The following CAMK4 variants were observed in gnomAD, a reference collection of about 807,000 sequenced individuals.
CAMK4 encodes the protein calcium/calmodulin dependent protein kinase IV, also known as calcium/calmodulin-dependent protein kinase type IV.
CAMK4 carries 22 observed loss-of-function variants against 44.9 expected under a neutral mutation model. The ratio of observed to expected loss-of-function variants is 0.49; its 90% CI spans 0.35 to 0.70. CAMK4 has a LOEUF of 0.70. Ranked by LOEUF, CAMK4 falls within the 30% of genes least tolerant of loss-of-function variation. The pLI is 0.01. For synonymous variants in CAMK4, 218 were observed against 215.4 expected (o/e 1.01, Z -0.11); for missense variants, 498 against 586.8 (o/e 0.85, Z 1.56).
chr5:111,238,808 CTTT>C (rs57552178), intron 1 of CAMK4, among the ~76,000 whole-genome samples: 4,803 of 45,562 alleles, frequency 0.11, 265 homozygotes, highest in African/African-American at 0.17. Context: ...AGAGGCTCTT[CTTT>C]TTTTTTTTTT....
rs200566906 is a variant in CAMK4 at position 111,460,265 on chromosome 5, C to CTTTTTTTTTTTTTTTTTTTTTTTT, written c.625+11067_625+11068insTTTTTTTTTTTTTTTTTTTTTTTT. 1.6e-5 allele frequency among the ~76,000 whole-genome samples: 2 copies of CTTTTTTTTTTTTTTTTTTTTTTTT among 122,714 alleles called. 1 individual carries two copies. The highest frequency in any genetic ancestry group is 3.3e-5 in the Non-Finnish European group (2 of 59,862). 80.5% of individuals were successfully genotyped at this position (122,714 alleles called of 152,430 possible). Reference sequence around the variant, plus strand: ...TAATGTTTTTCTTTTCTTTTCTTTTCTTTTTCTTTTTTTTTTTTTTGAGGC... The same window carrying CTTTTTTTTTTTTTTTTTTTTTTTT: ...TAATGTTTTTCTTTTCTTTTCTTTTCTTTTTTTTTTTTTTTTTTTTTTTTTTTTTCTTTTTTTTTTTTTTGAGGC... On this transcript the variant is annotated intron_variant, in intron 7 of 10. Coordinates refer to ENST00000282356, the MANE Select transcript of CAMK4 (RefSeq NM_001744.6).
At chr5:111,379,412 C>T (rs549782918) in intron 4 of CAMK4, among the ~76,000 whole-genome samples, 1 of 152,220 alleles carries the variant, frequency 6.6e-6, no homozygotes, top group South Asian at 2.1e-4. Flanking sequence ...TAACAGAAAA[C>T]CTCTGAAGAA....
rs184178981 is a variant in CAMK4 at position 111,278,570 on chromosome 5, T to G, written c.161+53926T>G. 2.0e-5 allele frequency among the ~76,000 whole-genome samples: 3 copies of G among 152,344 alleles called. No individual in the cohort carries two copies. The East Asian group carries it at 5.8e-4, about 29-fold the overall frequency. On this transcript the variant is annotated intron_variant, in intron 1 of 10. Coordinates refer to ENST00000282356, the MANE Select transcript of CAMK4 (RefSeq NM_001744.6). ...ATTTGTAGCTAAATATAAAAACATT[T>G]ACGGAGTAAATGCAATGCACCAGGT...
At chr5:111,364,878 G>T (rs1001030230) in intron 2 of CAMK4, 2 of 152,118 alleles carry the variant, frequency 1.3e-5, no homozygotes, top group Admixed American at 1.3e-4. Flanking sequence ...CTTCATGTTA[G>T]TCAGTGTTAA....
intron 2 of CAMK4, among the ~76,000 whole-genome samples, chr5:111,348,887 A>G (rs1271260869): frequency 2.0e-5 from 3 of 152,062 alleles, no homozygotes; most frequent in Non-Finnish European, 2.9e-5. Flanking sequence ...AAATGTTATG[A>G]CAAACATCAG....
At chr5:111,339,697 T>G (rs1749557894) in intron 1 of CAMK4, among the ~76,000 whole-genome samples, 1 of 151,488 alleles carries the variant, frequency 6.6e-6, no homozygotes, top group South Asian at 2.1e-4. Flanking sequence ...CAAGATTACT[T>G]TGACTATTTG....
At chr5:111,424,665 T>A (rs1753156383) in intron 5 of CAMK4, among the ~76,000 whole-genome samples, 1 of 151,700 alleles carries the variant, frequency 6.6e-6, no homozygotes, top group Admixed American at 6.6e-5. Context: ...GCCAGGATGG[T>A]CTCGATCTCC....
chr5:111,422,277 TTA>T (rs1753060686), intron 5 of CAMK4, among the ~76,000 whole-genome samples: 2 of 152,238 alleles, frequency 1.3e-5, no homozygotes, highest in South Asian at 4.1e-4. Flanking sequence ...AATGCCTTCT[TTA>T]TACTTGAAGT....
Position 111,329,091 on chromosome 5 carries a change from G to T in CAMK4, c.162-14933G>T, listed in dbSNP as rs58592524. Reference sequence around the variant, plus strand: ...GTTCAACATATGCAAATCAGTAAATGTAATCCAGCATATAAACAGAACCAA... The same window carrying T: ...GTTCAACATATGCAAATCAGTAAATTTAATCCAGCATATAAACAGAACCAA... On this transcript the variant is annotated intron_variant, in intron 1 of 10. Coordinates refer to ENST00000282356, the MANE Select transcript of CAMK4 (RefSeq NM_001744.6). 2.3e-3 allele frequency among the ~76,000 whole-genome samples: 346 copies of T among 151,998 alleles called. 1 individual carries two copies. The East Asian group carries it at 0.029, about 13-fold the overall frequency.
At chr5:111,329,292 T>G (rs916264310) in intron 1 of CAMK4, among the ~76,000 whole-genome samples, 1 of 151,888 alleles carries the variant, frequency 6.6e-6, no homozygotes, top group Admixed American at 6.6e-5. Context: ...GCGAAAACTG[T>G]AAGCATTCCC....
intron 2 of CAMK4, among the ~76,000 whole-genome samples, chr5:111,374,173 CA>C (rs1751120546): frequency 6.6e-6 from 1 of 152,150 alleles, no homozygotes; most frequent in Non-Finnish European, 1.5e-5. Context: ...ATTGTATTAA[CA>C]GTCCTCTTCA....
chr5:111,411,209 A>T (rs1752620467), intron 5 of CAMK4, among the ~76,000 whole-genome samples: 1 of 152,198 alleles, frequency 6.6e-6, no homozygotes, highest in South Asian at 2.1e-4. Context: ...TTACCAAGAC[A>T]TGGGACACAG....
intron 1 of CAMK4, among the ~76,000 whole-genome samples, chr5:111,251,630 G>A (rs1749498221): frequency 6.6e-6 from 1 of 152,176 alleles, no homozygotes; most frequent in African/African-American, 2.4e-5. Context: ...AGGCCTTTCT[G>A]TGAGTCTTCT....
At chr5:111,429,624 A>T (rs1039177549) in intron 5 of CAMK4, among the ~76,000 whole-genome samples, 1 of 151,666 alleles carries the variant, frequency 6.6e-6, no homozygotes, top group African/African-American at 2.4e-5. Context: ...AATACAAAAA[A>T]AATCAGCCAG....
chr5:111,466,710 G>A (rs896479477), intron 7 of CAMK4, among the ~76,000 whole-genome samples: 7 of 152,054 alleles, frequency 4.6e-5, no homozygotes, highest in Non-Finnish European at 7.4e-5. Flanking sequence ...TGACACAAAT[G>A]GGACATGTCC....
At chr5:111,481,073 C>T (rs1366783690) in intron 9 of CAMK4, among the ~76,000 whole-genome samples, 2 of 152,136 alleles carry the variant, frequency 1.3e-5, no homozygotes, top group Non-Finnish European at 2.9e-5. Flanking sequence ...TGATTATAAC[C>T]TTCAGAAAGT....
chr5:111,318,005 C>G (rs1748506017), intron 1 of CAMK4, among the ~76,000 whole-genome samples: 2 of 144,698 alleles, frequency 1.4e-5, no homozygotes, highest in South Asian at 4.8e-4. Context: ...CAGATTTGTA[C>G]TACATGCGAA....
At chr5:111,266,188 A>G (rs1022733415) in intron 1 of CAMK4, 3 of 104,496 alleles carry the variant, frequency 2.9e-5, no homozygotes, top group African/African-American at 7.6e-5. Flanking sequence ...CTAAATAAAT[A>G]TATTCACACA....
At chr5:111,258,370 T>C (rs1475928480) in intron 1 of CAMK4, among the ~76,000 whole-genome samples, 12 of 152,204 alleles carry the variant, frequency 7.9e-5, no homozygotes, top group Non-Finnish European at 1.5e-5. Context: ...TAGTTTGTTT[T>C]CACACTGCTG....
Sources: gnomAD v4.1 joint callset for allele counts (sites outside exome capture counted in the v4.1 genomes callset) on GRCh38, gnomAD v4.1.1 for gene constraint, MANE v1.5 for transcripts, NCBI Gene and HGNC (gene_info 2026-07-23, HGNC 2026-07-21) for gene names.